FAS: variants seen among roughly 807,000 people sequenced by gnomAD.
FAS encodes tumor necrosis factor receptor superfamily member 6.
FAS carries 5 observed loss-of-function variants against 33.2 expected under a neutral mutation model. That is an observed-to-expected ratio of 0.15 (90% CI 0.08 to 0.32). The LOEUF is 0.32. Ranked by LOEUF, FAS falls within the 10% of genes least tolerant of loss-of-function variation. FAS has a pLI of 1.00. For missense variants in FAS, 339 were observed against 386.0 expected (o/e 0.88, Z 1.02); for synonymous variants, 131 against 130.7 (o/e 1.00, Z -0.01).
chr10:88,985,960 T>C (rs2133362857), upstream of FAS, among the ~76,000 whole-genome samples: 1 of 152,378 alleles, frequency 6.6e-6, no homozygotes, highest in Middle Eastern at 3.4e-3. Context: ...GTGGCATATT[T>C]ATTTTTATGG....
At chr10:88,977,378 A>G (rs1186030945) in intron 2 of FAS, among the ~76,000 whole-genome samples, 1 of 151,496 alleles carries the variant, frequency 6.6e-6, no homozygotes, top group Admixed American at 6.6e-5. Context: ...AGCTTTCTAC[A>G]TATGGCTAGC....
chr10:89,015,356 C>G lies in FAS; in HGVS notation c.*906C>G. 1.9e-6 allele frequency: 1 copy of G among 533,002 alleles called. No homozygotes were observed. The highest frequency in any genetic ancestry group is 3.6e-6 in the Non-Finnish European group (1 of 275,332). 33.0% of individuals were successfully genotyped at this position (533,002 alleles called of 1,614,324 possible). ...TACTAACTGCTCTCAGAGAAAGTAG[C>G]TTTGTGACATGTCATGAACCCATGT... On this transcript the variant is annotated 3_prime_UTR_variant, in exon 9 of 9. Coordinates refer to ENST00000652046, the MANE Select transcript of FAS (RefSeq NM_000043.6).
chr10:88,993,548 T>C (rs1347913388), intron 1 of FAS, among the ~76,000 whole-genome samples: 1 of 152,182 alleles, frequency 6.6e-6, no homozygotes, highest in African/African-American at 2.4e-5. Flanking sequence ...TTTGCTCTCC[T>C]TTACATTTTG....
In FAS at chr10:89,014,577, C is replaced by T. The variant is rs1376818939; in HGVS notation, c.*127C>T. The T allele has an allele frequency of 3.3e-6, 3 of 897,246 alleles. No homozygotes were observed. In the South Asian group the frequency reaches 4.2e-5, roughly 13 times the overall value. The allele number at this position is 897,246 out of a possible 1,614,324, so 55.6% of individuals were successfully genotyped here. ...TTTATCATTTATTAGCGCTGAAGAG[C>T]CAACATATTTGTAGATTTTTAATAT... On this transcript the variant is annotated 3_prime_UTR_variant, in exon 9 of 9. Coordinates refer to ENST00000652046, the MANE Select transcript of FAS (RefSeq NM_000043.6).
chr10:89,014,922 AT>A lies in FAS; in HGVS notation c.*475del. Reference sequence around the variant, plus strand: ...CTGATAATTCTAGAGATTTTACCATATTTCTAAACTTTGTTTATAACTCTGA... The same window carrying A: ...CTGATAATTCTAGAGATTTTACCATATTCTAAACTTTGTTTATAACTCTGA... On this transcript the variant is annotated 3_prime_UTR_variant, in exon 9 of 9. Transcript: ENST00000652046. 1.9e-6 allele frequency: 1 copy of A among 535,060 alleles called. No homozygotes were observed. The highest frequency in any genetic ancestry group is 3.6e-6 in the Non-Finnish European group (1 of 276,918). 33.1% of individuals were successfully genotyped at this position (535,060 alleles called of 1,614,324 possible).
rs2296601 is a variant in FAS at position 89,007,883 on chromosome 10, C to T, written c.334+46C>T. 0.13 allele frequency: 209,976 copies of T among 1,611,144 alleles called. 17,569 individuals carry two copies. Among genetic ancestry groups the T allele is most frequent in the East Asian group, 0.45 (20,063 of 44,844 alleles). On this transcript the variant is annotated intron_variant, in intron 3 of 8. Coordinates refer to ENST00000652046, the MANE Select transcript of FAS (RefSeq NM_000043.6). ...TTGAAAGAGGCCAATCTTGGAATTTCATGTAGAACCATTTATAAGACAATT... is the reference window on the plus strand; with the variant it reads ...TTGAAAGAGGCCAATCTTGGAATTTTATGTAGAACCATTTATAAGACAATT...
At chr10:88,997,339 A>C (rs1392934330) in intron 1 of FAS, among the ~76,000 whole-genome samples, 4 of 152,220 alleles carry the variant, frequency 2.6e-5, no homozygotes, top group Admixed American at 6.5e-5. Context: ...ACTAAACTCA[A>C]AATGTAATTT....
chr10:88,988,712 T>C (rs1225759805), upstream of FAS, among the ~76,000 whole-genome samples: 1 of 152,168 alleles, frequency 6.6e-6, no homozygotes, highest in Non-Finnish European at 1.5e-5. Flanking sequence ...CAAACTGTTT[T>C]CCCCAGAACA....
chr10:88,989,145 C>T (rs1056171181), upstream of FAS, among the ~76,000 whole-genome samples: 1 of 152,134 alleles, frequency 6.6e-6, no homozygotes. Context: ...TTAATAATCA[C>T]TCATCTCACT....
rs139908517 is a variant in FAS at position 88,994,393 on chromosome 10, C to T, written c.30+3487C>T. Among the ~76,000 whole-genome samples, 29 of 152,196 alleles carry T rather than the reference C, an allele frequency of 1.9e-4. No homozygotes were observed. The East Asian group carries it at 5.6e-3, about 29-fold the overall frequency. Reference sequence around the variant, plus strand: ...ATGAGCACATGTTTTGTAATAGGTACTAAAGACTATTTACTTATGATGAAA... The same window carrying T: ...ATGAGCACATGTTTTGTAATAGGTATTAAAGACTATTTACTTATGATGAAA... On this transcript the variant is annotated intron_variant, in intron 1 of 8. Coordinates refer to ENST00000652046, the MANE Select transcript of FAS (RefSeq NM_000043.6).
intron 7 of FAS, 120 bp downstream of exon 7, chr10:89,012,201 G>A: frequency 6.8e-6 from 6 of 881,016 alleles, no homozygotes; most frequent in East Asian, 2.7e-5. Context: ...TGTTTGAGAT[G>A]GAGTCTTGCT....
At chr10:88,970,670 G>A (rs1846419470) in intron 1 of FAS, among the ~76,000 whole-genome samples, 1 of 152,122 alleles carries the variant, frequency 6.6e-6, no homozygotes, top group Non-Finnish European at 1.5e-5. Context: ...ATTGAACAAT[G>A]AGAACACTTG....
In FAS at chr10:89,010,590, C is replaced by G; in HGVS notation, c.495C>G (p.Cys165Trp). The change falls in exon 5 of 9, where the codon TGC becomes TGG. Residue 165 changes from cysteine (C) to tryptophan (W), a missense_variant. Physicochemically the swap from Cys to Trp is radical, Grantham distance 215. Transcript: ENST00000652046. ...GCACACTCACCAGCAACACCAAGTG[C>G]AAAGAGGAAGGTAATTATTTTTTTA... ...KECTLTSNTK[C>W]KEEGSRSNLG... The G allele has an allele frequency of 6.2e-7, 1 of 1,613,696 alleles. No individual in the cohort carries two copies. The highest frequency in any genetic ancestry group is 8.5e-7 in the Non-Finnish European group (1 of 1,179,776).
chr10:89,006,272 A>C (rs946331559), intron 2 of FAS, among the ~76,000 whole-genome samples: 2 of 152,172 alleles, frequency 1.3e-5, no homozygotes, highest in African/African-American at 4.8e-5. Context: ...TATTGCTACA[A>C]TGTTATATAG....
At chr10:88,981,758 A>G (rs1846718364), upstream of FAS, among the ~76,000 whole-genome samples, 1 of 152,162 alleles carries the variant, frequency 6.6e-6, no homozygotes, top group South Asian at 2.1e-4. Flanking sequence ...CCCAGATACT[A>G]CGTGTTTCAG....
At position 89,014,270 on chromosome 10, in the gene FAS, A is replaced by G. The variant is rs1375193873; in HGVS notation, c.828A>G (p.Gln276=). 2.5e-6 allele frequency: 4 copies of G among 1,614,050 alleles called. No individual in the cohort carries two copies. Among genetic ancestry groups the G allele is most frequent in the Non-Finnish European group, 3.4e-6 (4 of 1,179,942 alleles). ...AAGACACAGCAGAACAGAAAGTTCA[A>G]CTGCTTCGTAATTGGCATCAACTTC... ...NVQDTAEQKV[Q]LLRNWHQLHG... Residue 276 remains glutamine, a synonymous_variant, in exon 9 of 9, where the codon CAA becomes CAG. Coordinates refer to ENST00000652046, the MANE Select transcript of FAS (RefSeq NM_000043.6).
At chr10:89,011,022 C>T in intron 6 of FAS, 1 of 634,028 alleles carries the variant, frequency 1.6e-6, no homozygotes, top group South Asian at 1.9e-5. Context: ...AGTTTTGGGG[C>T]ATTGAGTGGT....
upstream of FAS, chr10:88,990,538 G>C (rs752145197): frequency 8.1e-6 from 5 of 618,832 alleles, no homozygotes; most frequent in South Asian, 7.6e-5. This position sits in a 1 kb window ranked among gnomAD's most constrained non-coding sequence, Gnocchi z 4.9. Flanking sequence ...CTCCCTACCC[G>C]CGCGCAGGCC....
chr10:88,966,013 T>C lies in FAS; in HGVS notation n.95-7169T>C, dbSNP rs377314142. Among the ~76,000 whole-genome samples the C allele has an allele frequency of 7.3e-4, 111 of 152,256 alleles. 1 individual carries two copies. The South Asian group carries it at 0.021, about 28-fold the overall frequency. On this transcript the variant is annotated intron_variant and non_coding_transcript_variant, in intron 1 of 3. Transcript: ENST00000688239. ...ATGGTCAACAGAATCACTTGGGCAATTTGTTAAAATGTATTAGGTTGGTGC... is the reference window on the plus strand; with the variant it reads ...ATGGTCAACAGAATCACTTGGGCAACTTGTTAAAATGTATTAGGTTGGTGC...
Sources: gnomAD v4.1 joint callset for allele counts (sites outside exome capture counted in the v4.1 genomes callset) on GRCh38, gnomAD v4.1.1 for gene constraint, Gnocchi (gnomAD v3.1) non-coding constraint, MANE v1.5 for transcripts, NCBI Gene and HGNC (gene_info 2026-07-23, HGNC 2026-07-21) for gene names.